PTPRD: variants seen among roughly 807,000 people sequenced by gnomAD.
PTPRD encodes the protein receptor-type tyrosine-protein phosphatase delta.
In PTPRD, 34 loss-of-function variants were observed where a neutral mutation model predicts 214.5. The ratio of observed to expected loss-of-function variants is 0.16; its 90% CI spans 0.12 to 0.21. The LOEUF (loss-of-function observed/expected upper bound fraction) is 0.21, where lower values mean the gene tolerates loss of function less well. Ranked by LOEUF, PTPRD falls within the 10% of genes least tolerant of loss-of-function variation. The probability of loss-of-function intolerance (pLI) is 1.00; values close to 1 mark genes in which losing one functional copy is unlikely to be tolerated. For missense variants in PTPRD, 2,545 were observed against 2,398.7 expected (o/e 1.06, Z -1.27); for synonymous variants, 1,128 against 845.7 (o/e 1.33, Z -5.79).
At chr9:9,762,433 GT>G (rs1469177299) in intron 6 of PTPRD, among the ~76,000 whole-genome samples, 1 of 151,970 alleles carries the variant, frequency 6.6e-6, no homozygotes, top group Non-Finnish European at 1.5e-5. Context: ...AAATCTTTAG[GT>G]TTGGTTCCTT....
At chr9:10,390,807 C>T (rs988070215) in intron 2 of PTPRD, among the ~76,000 whole-genome samples, 4 of 151,834 alleles carry the variant, frequency 2.6e-5, no homozygotes, top group South Asian at 4.1e-4. Flanking sequence ...TCTGCAGGTT[C>T]TAGACTTGAG....
chr9:9,292,706 T>G (rs1345320715), intron 9 of PTPRD, among the ~76,000 whole-genome samples: 2 of 151,456 alleles, frequency 1.3e-5, no homozygotes, highest in Non-Finnish European at 3.0e-5. Context: ...CACATTATAT[T>G]TAATAGTCAT....
chr9:10,247,875 A>T (rs1454898464), intron 3 of PTPRD, among the ~76,000 whole-genome samples: 1 of 152,144 alleles, frequency 6.6e-6, no homozygotes, highest in Non-Finnish European at 1.5e-5. Context: ...GTCCCCACCC[A>T]AACCTCATCT....
At chr9:8,526,688 C>T in intron 16 of PTPRD, 44 bp from the exon 17 acceptor site, 1 of 1,526,154 alleles carries the variant, frequency 6.6e-7, no homozygotes, top group Non-Finnish European at 8.9e-7. Flanking sequence ...AAAGAAGAAG[C>T]ATTAGTACGA....
chr9:10,117,495 G>T (rs1209671365), intron 3 of PTPRD, among the ~76,000 whole-genome samples: 1 of 152,046 alleles, frequency 6.6e-6, no homozygotes, highest in Non-Finnish European at 1.5e-5. Flanking sequence ...CCCTACAAAA[G>T]CTCTAGGGGA....
intron 8 of PTPRD, among the ~76,000 whole-genome samples, chr9:9,535,552 T>C (rs966896450): frequency 6.6e-5 from 10 of 152,068 alleles, no homozygotes; most frequent in African/African-American, 2.4e-4. Context: ...AATGTACACA[T>C]ACATTAAAAA....
intron 14 of PTPRD, among the ~76,000 whole-genome samples, chr9:8,576,882 C>T (rs1480350536): frequency 6.6e-6 from 1 of 152,144 alleles, no homozygotes; most frequent in East Asian, 1.9e-4. Flanking sequence ...GCTATTGATG[C>T]TACCTTTTGA....
intron 2 of PTPRD, among the ~76,000 whole-genome samples, chr9:10,580,435 C>T (rs1256568310): frequency 6.6e-6 from 1 of 152,134 alleles, no homozygotes; most frequent in East Asian, 1.9e-4. Flanking sequence ...TATGTGAATT[C>T]AATGATGATT....
At chr9:9,054,283 A>C (rs970201749) in intron 10 of PTPRD, among the ~76,000 whole-genome samples, 1 of 152,186 alleles carries the variant, frequency 6.6e-6, no homozygotes, top group African/African-American at 2.4e-5. Context: ...ATAAATGAGG[A>C]ATTCAATATA....
At chr9:9,825,172 T>C (rs989153644) in intron 5 of PTPRD, among the ~76,000 whole-genome samples, 17 of 152,036 alleles carry the variant, frequency 1.1e-4, no homozygotes, top group African/African-American at 4.1e-4. Flanking sequence ...GCCATTTTGT[T>C]TCTTCTCAGT....
rs539147922 is a variant in PTPRD at position 8,406,148 on chromosome 9, A to G, written c.4087-1488T>C. Among the ~76,000 whole-genome samples, 83 of 152,306 alleles carry G rather than the reference A, an allele frequency of 5.4e-4. No individual in the cohort carries two copies. In the Middle Eastern group the frequency reaches 0.017, roughly 31 times the overall value. ...CATACCTTAGAGTCTGAAAACTAAT[A>G]TAATTAAGGGACTTTCTAGTTTGCT... On this transcript the variant is annotated intron_variant, in intron 35 of 45. Coordinates refer to ENST00000381196, the MANE Select transcript of PTPRD (RefSeq NM_002839.4).
intron 5 of PTPRD, among the ~76,000 whole-genome samples, chr9:9,810,403 C>T (rs960984952): frequency 7.2e-5 from 11 of 152,086 alleles, no homozygotes; most frequent in Admixed American, 2.6e-4. Context: ...GGTTTACTCT[C>T]TTGTTAAGGG....
intron 11 of PTPRD, chr9:8,860,667 G>A (rs1396338684): frequency 6.6e-6 from 1 of 152,178 alleles, no homozygotes; most frequent in Non-Finnish European, 1.5e-5. Context: ...ACAAAAGAGT[G>A]TCCTAATGCT....
At chr9:10,338,890 A>T (rs551513714) in intron 3 of PTPRD, among the ~76,000 whole-genome samples, 2 of 151,820 alleles carry the variant, frequency 1.3e-5, no homozygotes, top group Non-Finnish European at 3.0e-5. Flanking sequence ...AATATAAATT[A>T]AATAGAGTAC....
intron 3 of PTPRD, among the ~76,000 whole-genome samples, chr9:10,112,624 C>T (rs2098700820): frequency 6.6e-6 from 1 of 152,120 alleles, no homozygotes; most frequent in Admixed American, 6.6e-5. Context: ...AGGAGGCAGA[C>T]TTCTCAGATA....
intron 7 of PTPRD, among the ~76,000 whole-genome samples, chr9:9,702,184 A>G (rs1327031317): frequency 6.6e-6 from 1 of 152,140 alleles, no homozygotes; most frequent in Non-Finnish European, 1.5e-5. Flanking sequence ...GACGAGAAAG[A>G]AAAGGGCTAA....
intron 12 of PTPRD, among the ~76,000 whole-genome samples, chr9:8,695,447 A>C (rs995492886): frequency 6.6e-6 from 1 of 152,028 alleles, no homozygotes; most frequent in African/African-American, 2.4e-5. Flanking sequence ...AGAGTAGATA[A>C]AATCTGGGTC....
intron 11 of PTPRD, among the ~76,000 whole-genome samples, chr9:8,948,986 C>A (rs1410479146): frequency 2.0e-5 from 3 of 151,768 alleles, no homozygotes; most frequent in Admixed American, 6.6e-5. Context: ...GTAGTCCCAG[C>A]ACTTTGGCAG....
At chr9:9,329,444 A>G (rs2064263810) in intron 9 of PTPRD, among the ~76,000 whole-genome samples, 1 of 152,162 alleles carries the variant, frequency 6.6e-6, no homozygotes, top group Non-Finnish European at 1.5e-5. Flanking sequence ...TAGACACTAG[A>G]TAATGTTCTT....
Sources: gnomAD v4.1 joint callset for allele counts (sites outside exome capture counted in the v4.1 genomes callset) on GRCh38, gnomAD v4.1.1 for gene constraint, MANE v1.5 for transcripts, NCBI Gene and HGNC (gene_info 2026-07-23, HGNC 2026-07-21) for gene names.